The following ARHGAP28 variants were observed in gnomAD, a reference collection of about 807,000 sequenced individuals.
ARHGAP28 encodes the protein rho GTPase-activating protein 28.
A neutral mutation model predicts 90.7 loss-of-function variants in ARHGAP28; 56 were observed. The ratio of observed to expected loss-of-function variants is 0.62; its 90% CI spans 0.50 to 0.77. The LOEUF is 0.77. Among genes scored for constraint, ARHGAP28 ranks in the 30% least tolerant of loss-of-function variants. The pLI is 0.00. For missense variants in ARHGAP28, 869 were observed against 900.9 expected (o/e 0.96, Z 0.45); for synonymous variants, 308 against 323.3 (o/e 0.95, Z 0.51).
At chr18:6,855,129 G>A (rs2056942688) in intron 4 of ARHGAP28, among the ~76,000 whole-genome samples, 1 of 152,202 alleles carries the variant, frequency 6.6e-6, no homozygotes. Flanking sequence ...AAGGTGGGAG[G>A]CAGACAGGTT....
intron 1 of ARHGAP28, among the ~76,000 whole-genome samples, chr18:6,794,507 A>C (rs992428900): frequency 1.3e-5 from 2 of 152,198 alleles, no homozygotes; most frequent in Non-Finnish European, 2.9e-5. Context: ...TCTATCCCTC[A>C]CAGGACACTG....
intron 1 of ARHGAP28, among the ~76,000 whole-genome samples, chr18:6,792,106 A>G (rs927795685): frequency 4.6e-5 from 7 of 152,132 alleles, no homozygotes; most frequent in Non-Finnish European, 2.9e-5. Context: ...TTAAAGTGCA[A>G]ATTAATTTGT....
intron 1 of ARHGAP28, among the ~76,000 whole-genome samples, chr18:6,763,826 C>T (rs541304139): frequency 1.1e-4 from 17 of 152,308 alleles, no homozygotes; most frequent in Non-Finnish European, 1.9e-4. Flanking sequence ...CGAAGTGCAG[C>T]GGAGAGGGCT....
intron 1 of ARHGAP28, among the ~76,000 whole-genome samples, chr18:6,731,843 C>T (rs980020652): frequency 1.3e-5 from 2 of 152,226 alleles, no homozygotes; most frequent in Non-Finnish European, 2.9e-5. Flanking sequence ...ATGATCAATA[C>T]TTCCTTTCAA....
intron 9 of ARHGAP28, chr18:6,874,550 AT>A (rs745446636): frequency 2.6e-5 from 4 of 152,160 alleles, no homozygotes; most frequent in Non-Finnish European, 5.9e-5. Flanking sequence ...CTTAACACAA[AT>A]TTTGTGGAAT....
At chr18:6,817,417 T>C (rs1445207236) in intron 1 of ARHGAP28, among the ~76,000 whole-genome samples, 3 of 152,136 alleles carry the variant, frequency 2.0e-5, no homozygotes, top group Non-Finnish European at 4.4e-5. Context: ...TGACTATAAA[T>C]TGTTACTTGA....
chr18:6,875,900 G>T (rs2057127342), intron 9 of ARHGAP28, among the ~76,000 whole-genome samples: 2 of 152,170 alleles, frequency 1.3e-5, no homozygotes, highest in Non-Finnish European at 2.9e-5. Flanking sequence ...TACTTACGAG[G>T]TTGATCTTGG....
chr18:6,898,702 TA>T, intron 16 of ARHGAP28: 1 of 1,400,494 alleles, frequency 7.1e-7, no homozygotes, highest in Non-Finnish European at 9.3e-7. Flanking sequence ...ATGTTTCTAA[TA>T]AAAATGTATT....
rs527349682 is a variant in ARHGAP28, at chr18:6,731,775, A to G, written c.122+1832A>G. 5.8e-4 allele frequency among the ~76,000 whole-genome samples: 88 copies of G among 152,366 alleles called. No individual in the cohort carries two copies. In the Middle Eastern group the frequency reaches 0.014, roughly 24 times the overall value. Reference sequence around the variant, plus strand: ...AAAGAGCCAGAGGACACCATTAATCATAAGTCTGATAACAGAAATAATCAG... The same window carrying G: ...AAAGAGCCAGAGGACACCATTAATCGTAAGTCTGATAACAGAAATAATCAG... On this transcript the variant is annotated intron_variant, in intron 1 of 17. Coordinates refer to ENST00000383472, the MANE Select transcript of ARHGAP28 (RefSeq NM_001366230.1).
At chr18:6,845,136 T>C (rs971580723) in intron 3 of ARHGAP28, among the ~76,000 whole-genome samples, 5 of 152,330 alleles carry the variant, frequency 3.3e-5, no homozygotes. Context: ...TGCAGTGCAG[T>C]TGCACAGTCG....
chr18:6,836,421 G>C (rs2056754152), intron 2 of ARHGAP28, among the ~76,000 whole-genome samples: 4 of 152,046 alleles, frequency 2.6e-5, no homozygotes, highest in Admixed American at 2.6e-4. Flanking sequence ...TAATTGGTGG[G>C]TTTAGAGCAA....
chr18:6,850,250 T>C (rs1312257011), intron 3 of ARHGAP28, among the ~76,000 whole-genome samples: 2 of 152,228 alleles, frequency 1.3e-5, no homozygotes, highest in Non-Finnish European at 2.9e-5. Context: ...TTATAAATGT[T>C]CTTCTCTTTC....
rs2056760694 is a variant in ARHGAP28 at position 6,837,254 on chromosome 18, G to A, written c.383G>A (p.Gly128Asp). Residue 128 changes from glycine to aspartate, a missense_variant, in exon 3 of 18, where the codon GGT becomes GAT. By Grantham distance (94) the Gly-to-Asp change is moderately conservative. Transcript: ENST00000383472. Reference sequence around the variant, plus strand: ...GTGGGTTTATCAACTCTGATCTCAGGTGATGAAGAGGAAGATGGCAAAGCC... The same window carrying A: ...GTGGGTTTATCAACTCTGATCTCAGATGATGAAGAGGAAGATGGCAAAGCC... ...QDVGLSTLIS[G>D]DEEEDGKALL... 6.3e-7 allele frequency: 1 copy of A among 1,596,568 alleles called. No homozygotes were observed.
At chr18:6,870,243 T>C (rs949191449) in intron 6 of ARHGAP28, among the ~76,000 whole-genome samples, 1 of 152,228 alleles carries the variant, frequency 6.6e-6, no homozygotes, top group Non-Finnish European at 1.5e-5. Context: ...TGGGTCTAGA[T>C]GAGCTTAATT....
At chr18:6,883,239 ATTTTT>A (rs34238467) in intron 11 of ARHGAP28, among the ~76,000 whole-genome samples, 1 of 142,284 alleles carries the variant, frequency 7.0e-6, no homozygotes, top group Non-Finnish European at 1.5e-5. Context: ...TCAGGCACTA[ATTTTT>A]TTTTTTTTTT....
intron 1 of ARHGAP28, among the ~76,000 whole-genome samples, chr18:6,751,651 C>T (rs981207296): frequency 6.6e-5 from 10 of 152,150 alleles, no homozygotes; most frequent in Non-Finnish European, 1.5e-4. Flanking sequence ...AATATTGTCC[C>T]ACTTGTGGGC....
chr18:6,748,075 A>G (rs2056038830), intron 1 of ARHGAP28, among the ~76,000 whole-genome samples: 1 of 152,210 alleles, frequency 6.6e-6, no homozygotes, highest in African/African-American at 2.4e-5. Context: ...ATTCAAGCTC[A>G]TGGCCACAGG....
rs902209088 is a variant in ARHGAP28 at position 6,844,937 on chromosome 18, C to T, written c.544-6097C>T. On this transcript the variant is annotated intron_variant, in intron 3 of 17. Coordinates refer to ENST00000383472, the MANE Select transcript of ARHGAP28 (RefSeq NM_001366230.1). ...ATAACAACACCCACGGCAATAGCTG[C>T]AGCCAGAAGTCAAAGTGTGGGGGAA... Among the ~76,000 whole-genome samples, 79 of 152,194 alleles carry T rather than the reference C, an allele frequency of 5.2e-4. 4 individuals are homozygous for T.
At chr18:6,841,655 G>A (rs2056829070) in intron 3 of ARHGAP28, among the ~76,000 whole-genome samples, 1 of 151,674 alleles carries the variant, frequency 6.6e-6, no homozygotes, top group African/African-American at 2.4e-5. Context: ...TGTAAGATAT[G>A]GGTCCATTAT....
Sources: allele counts gnomAD v4.1 joint callset (sites outside exome capture counted in the v4.1 genomes callset), GRCh38; gene constraint gnomAD v4.1.1; transcripts MANE v1.5; gene names NCBI Gene and HGNC (gene_info 2026-07-23, HGNC 2026-07-21).